HS3ST3A1: variants seen among roughly 807,000 people sequenced by gnomAD.
HS3ST3A1 encodes the protein heparan sulfate-glucosamine 3-sulfotransferase 3A1, also known as heparan sulfate glucosamine 3-O-sulfotransferase 3A1.
HS3ST3A1 carries 19 observed loss-of-function variants against 25.7 expected under a neutral mutation model. The observed-to-expected ratio is 0.74, with a 90% CI of 0.52 to 1.08. HS3ST3A1 has a LOEUF of 1.08. HS3ST3A1 is among the 50% of genes least tolerant of loss of function. The probability of loss-of-function intolerance (pLI) is 0.00; values close to 1 mark genes in which losing one functional copy is unlikely to be tolerated. For missense variants in HS3ST3A1, 459 were observed against 594.3 expected (o/e 0.77, Z 2.37); for synonymous variants, 226 against 278.6 (o/e 0.81, Z 1.88).
intron 1 of HS3ST3A1, among the ~76,000 whole-genome samples, chr17:13,572,661 T>A (rs1020997709): frequency 6.6e-6 from 1 of 152,182 alleles, no homozygotes; most frequent in African/African-American, 2.4e-5. Context: ...GTGTTTTAAT[T>A]TGTTAAGGTC....
chr17:13,507,595 A>G (rs1012015059), intron 1 of HS3ST3A1, among the ~76,000 whole-genome samples: 2 of 152,220 alleles, frequency 1.3e-5, no homozygotes, highest in Non-Finnish European at 2.9e-5. Flanking sequence ...GGTAATATAT[A>G]TCACACGTTT....
intron 1 of HS3ST3A1, among the ~76,000 whole-genome samples, chr17:13,510,557 G>C (rs190872857): frequency 2.6e-5 from 4 of 152,154 alleles, no homozygotes; most frequent in African/African-American, 9.7e-5. Context: ...CTGGACACAC[G>C]GTAGGTGCTA....
Position 13,496,352 on chromosome 17 carries a change from C to G in HS3ST3A1, c.1066G>C (p.Glu356Gln). The change falls in exon 2 of 2, where the codon GAG becomes CAG. Residue 356 changes from glutamate to glutamine, a missense_variant. Physicochemically the swap from Glu to Gln is conservative, Grantham distance 29. Around this residue, in one of 3 missense-constraint regions of HS3ST3A1, gnomAD observed 67 missense variants for 231.4 expected, o/e 0.29. Transcript: ENST00000284110. ...AGGCAATGGGGCCGGCTGCTGCCCT[C>G]CGCCTTCTTCAGGCAGGGGAAGCCC... ...TKGFPCLKKA[E>Q]GSSRPHCLGK... 6.6e-7 allele frequency: 1 copy of G among 1,513,712 alleles called. No homozygotes were observed. Among genetic ancestry groups the G allele is most frequent in the Non-Finnish European group, 9.0e-7 (1 of 1,110,494 alleles). 93.8% of individuals were successfully genotyped at this position (1,513,712 alleles called of 1,614,324 possible).
At chr17:13,581,897 G>A (rs908666781) in intron 1 of HS3ST3A1, among the ~76,000 whole-genome samples, 1 of 152,046 alleles carries the variant, frequency 6.6e-6, no homozygotes, top group Non-Finnish European at 1.5e-5. Flanking sequence ...CAGTTCCCAG[G>A]GGGTCGCCCT....
At chr17:13,560,343 A>G (rs113876314) in intron 1 of HS3ST3A1, among the ~76,000 whole-genome samples, 8 of 145,124 alleles carry the variant, frequency 5.5e-5, no homozygotes, top group African/African-American at 2.0e-4. Flanking sequence ...ATACTCTTCA[A>G]CTGGAGTCAC....
Position 13,585,772 on chromosome 17 carries a change from G to A in HS3ST3A1, c.599+14759C>T, listed in dbSNP as rs185337601. Among the ~76,000 whole-genome samples the A allele has an allele frequency of 1.9e-4, 29 of 149,198 alleles. No homozygotes were observed. In the East Asian group the frequency reaches 5.5e-3, roughly 28 times the overall value. On this transcript the variant is annotated intron_variant, in intron 1 of 1. Coordinates refer to ENST00000284110, the MANE Select transcript of HS3ST3A1 (RefSeq NM_006042.3). The stretch of plus-strand genomic sequence containing the variant: ...CCTGGGCTCCAGCTTAACCCAGAGC[G>A]CTTTCCACTTTACGTGTATGAAACA...
chr17:13,498,630 T>G (rs1905357837), intron 1 of HS3ST3A1, among the ~76,000 whole-genome samples: 1 of 152,254 alleles, frequency 6.6e-6, no homozygotes. Flanking sequence ...GGAAGGCATG[T>G]GCAGAGGCCA....
At chr17:13,532,107 G>C (rs937570638) in intron 1 of HS3ST3A1, among the ~76,000 whole-genome samples, 2 of 152,192 alleles carry the variant, frequency 1.3e-5, no homozygotes, top group African/African-American at 4.8e-5. Flanking sequence ...CAATCAGCCA[G>C]ATGACTTGAA....
intron 1 of HS3ST3A1, among the ~76,000 whole-genome samples, chr17:13,536,259 A>G (rs1254613653): frequency 6.6e-6 from 1 of 152,142 alleles, no homozygotes; most frequent in Non-Finnish European, 1.5e-5. Flanking sequence ...GTTCCAAGAT[A>G]AATGAGCTTA....
chr17:13,516,407 T>C (rs1906056171), intron 1 of HS3ST3A1, among the ~76,000 whole-genome samples: 2 of 152,284 alleles, frequency 1.3e-5, no homozygotes, highest in East Asian at 3.9e-4. Flanking sequence ...GTTTTCCTAG[T>C]TTGTAGTTTG....
At chr17:13,566,044 T>A (rs1470142996) in intron 1 of HS3ST3A1, among the ~76,000 whole-genome samples, 1 of 152,252 alleles carries the variant, frequency 6.6e-6, no homozygotes, top group Non-Finnish European at 1.5e-5. Flanking sequence ...ATTACAGGCA[T>A]ACCTTGCCTT....
chr17:13,569,524 G>A (rs1005980676), intron 1 of HS3ST3A1, among the ~76,000 whole-genome samples: 2 of 152,152 alleles, frequency 1.3e-5, no homozygotes, highest in African/African-American at 4.8e-5. Context: ...GCCCTCCACC[G>A]GAGACTGCTG....
chr17:13,551,345 C>CTCAA lies in HS3ST3A1; in HGVS notation c.599+49182_599+49185dup, dbSNP rs1441735124. On this transcript the variant is annotated intron_variant, in intron 1 of 1. Coordinates refer to ENST00000284110, the MANE Select transcript of HS3ST3A1 (RefSeq NM_006042.3). ...GCCTGGCGACACGGAGAGACTCCATCTCAATAAATAAATAAATAAATAAAT... is the reference window on the plus strand; with the variant it reads ...GCCTGGCGACACGGAGAGACTCCATCTCAATCAATAAATAAATAAATAAATAAAT... Among the ~76,000 whole-genome samples, 3 of 133,936 alleles carry CTCAA rather than the reference C, an allele frequency of 2.2e-5. No individual in the cohort carries two copies. The East Asian group carries it at 6.2e-4, about 28-fold the overall frequency. The allele number at this position is 133,936 out of a possible 152,430, so 87.9% of individuals were successfully genotyped here. A position where few individuals can be genotyped will look rare whatever the true frequency, so the allele number is the denominator to read the frequency against.
chr17:13,500,141 G>A lies in HS3ST3A1; in HGVS notation c.600-3323C>T, dbSNP rs552102230. Among the ~76,000 whole-genome samples, 283 of 151,954 alleles carry A rather than the reference G, an allele frequency of 1.9e-3. 1 individual carries two copies. The highest frequency in any genetic ancestry group is 5.9e-3 in the African/African-American group (245 of 41,440). ...ATTGCAAATCTTACTGGATTTTAAC[G>A]TTCAACAAAGCACCACACTGTCATA... On this transcript the variant is annotated intron_variant, in intron 1 of 1. Transcript: ENST00000284110.
intron 1 of HS3ST3A1, among the ~76,000 whole-genome samples, chr17:13,576,279 A>G (rs933973068): frequency 6.6e-6 from 1 of 152,228 alleles, no homozygotes; most frequent in Non-Finnish European, 1.5e-5. Context: ...TCTTGCGATC[A>G]CAGTCATCAG....
intron 1 of HS3ST3A1, among the ~76,000 whole-genome samples, chr17:13,596,243 GTTGT>G (rs999741241): frequency 2.0e-5 from 3 of 152,064 alleles, no homozygotes; most frequent in African/African-American, 4.8e-5. Context: ...TGTTTTTGGT[GTTGT>G]TTAATGCCCG....
chr17:13,509,544 C>T (rs936404887), intron 1 of HS3ST3A1, among the ~76,000 whole-genome samples: 3 of 151,942 alleles, frequency 2.0e-5, no homozygotes, highest in African/African-American at 7.3e-5. Flanking sequence ...AAAGCCTGAT[C>T]GATATTTACA....
intron 1 of HS3ST3A1, among the ~76,000 whole-genome samples, chr17:13,534,039 C>A (rs907258769): frequency 1.3e-5 from 2 of 152,160 alleles, no homozygotes; most frequent in African/African-American, 2.4e-5. Context: ...GCATTAGAGT[C>A]TTGTTATGAA....
intron 1 of HS3ST3A1, among the ~76,000 whole-genome samples, chr17:13,536,311 T>A (rs972616255): frequency 3.3e-5 from 5 of 150,938 alleles, no homozygotes; most frequent in African/African-American, 9.9e-5. Flanking sequence ...AAAAAAAAAA[T>A]TAAGTTGTTT....
Sources: allele counts gnomAD v4.1 joint callset (sites outside exome capture counted in the v4.1 genomes callset), GRCh38; gene constraint gnomAD v4.1.1; regional missense constraint gnomAD v4.1.1; transcripts MANE v1.5; gene names NCBI Gene and HGNC (gene_info 2026-07-23, HGNC 2026-07-21).